IL1RAPL2: variants seen among roughly 807,000 people sequenced by gnomAD.
The protein encoded by IL1RAPL2 is interleukin 1 receptor accessory protein like 2, also known as X-linked interleukin-1 receptor accessory protein-like 2.
Under a neutral mutation model 44.1 loss-of-function variants are expected in IL1RAPL2, and 3 were observed. The observed-to-expected ratio is 0.07, with a 90% confidence interval of 0.03 to 0.18. IL1RAPL2 has a LOEUF of 0.18. IL1RAPL2 is among the 10% of genes least tolerant of loss of function. The pLI is 1.00. For synonymous variants in IL1RAPL2, 181 were observed against 178.8 expected (o/e 1.01, Z -0.10); for missense variants, 391 against 496.4 (o/e 0.79, Z 2.02).
At chrX:105,593,945 A>C (rs2037190988) in intron 6 of IL1RAPL2, among the ~76,000 whole-genome samples, 2 of 111,817 alleles carry the variant, frequency 1.8e-5, no homozygotes, top group African/African-American at 6.5e-5. Context: ...ACTAACATCT[A>C]CCTTAATTGT....
intron 6 of IL1RAPL2, among the ~76,000 whole-genome samples, chrX:105,675,592 G>C (rs1167505914): frequency 8.9e-6 from 1 of 111,825 alleles, no homozygotes; most frequent in African/African-American, 3.2e-5. Context: ...TTGCATCAAT[G>C]TTCATCAGGG....
intron 6 of IL1RAPL2, among the ~76,000 whole-genome samples, chrX:105,503,982 T>G (rs2036413814): frequency 1.1e-5 from 1 of 91,986 alleles, no homozygotes; most frequent in Non-Finnish European, 1.9e-5. Flanking sequence ...AAGGCCCTAT[T>G]TCCAAATAAA....
chrX:105,350,350 T>G (rs2035142798), intron 5 of IL1RAPL2, among the ~76,000 whole-genome samples: 1 of 112,499 alleles, frequency 8.9e-6, no homozygotes, highest in Non-Finnish European at 1.9e-5. Context: ...TTTGCACTAG[T>G]CCTCAGTGGA....
intron 2 of IL1RAPL2, among the ~76,000 whole-genome samples, chrX:104,965,529 C>G (rs1246812719): frequency 9.0e-6 from 1 of 111,263 alleles, no homozygotes; most frequent in Non-Finnish European, 1.9e-5. Flanking sequence ...TTGTAGGATT[C>G]TTAAACATAG....
chrX:104,939,945 G>A (rs930728187), intron 2 of IL1RAPL2, among the ~76,000 whole-genome samples: 1 of 111,675 alleles, frequency 9.0e-6, no homozygotes, highest in Admixed American at 9.6e-5. Context: ...GGGGAGGTGG[G>A]AGGGTAGGGC....
At chrX:105,333,785 A>G in intron 5 of IL1RAPL2, among the ~76,000 whole-genome samples, 1 of 112,344 alleles carries the variant, frequency 8.9e-6, no homozygotes, top group Non-Finnish European at 1.9e-5. Flanking sequence ...ATTGATCAAC[A>G]GAGGAATGCA....
intron 2 of IL1RAPL2, among the ~76,000 whole-genome samples, chrX:105,106,960 G>A (rs1212603785): frequency 8.9e-6 from 1 of 112,010 alleles, no homozygotes; most frequent in Non-Finnish European, 1.9e-5. Context: ...CCATCAAGGA[G>A]TATCCAATCT....
chrX:105,126,383 CCT>C lies in IL1RAPL2; in HGVS notation c.83-69085_83-69084del, dbSNP rs778907792. 1.2e-4 allele frequency among the ~76,000 whole-genome samples: 13 copies of C among 110,501 alleles called. No individual in the cohort carries two copies. In the South Asian group the frequency reaches 4.5e-3, roughly 39 times the overall value. On this transcript the variant is annotated intron_variant, in intron 2 of 10. Transcript: ENST00000372582. ...ATCCACAGCTTTCTCTCTGATCTGC[CCT>C]CTCTCTAGGAAATCACCTCCCATGA...
chrX:104,770,148 C>T (rs992106896), intron 2 of IL1RAPL2, among the ~76,000 whole-genome samples: 1 of 110,767 alleles, frequency 9.0e-6, no homozygotes, highest in Non-Finnish European at 1.9e-5. Context: ...AATTAGTGAC[C>T]TTTGAATTCA....
At chrX:105,152,371 A>C (rs1014577591) in intron 2 of IL1RAPL2, among the ~76,000 whole-genome samples, 7 of 112,012 alleles carry the variant, frequency 6.2e-5, no homozygotes, top group African/African-American at 2.3e-4. Context: ...GAAACTTCTT[A>C]TTATTTGATA....
intron 6 of IL1RAPL2, among the ~76,000 whole-genome samples, chrX:105,576,228 G>A (rs2037049744): frequency 9.0e-6 from 1 of 110,812 alleles, no homozygotes; most frequent in Non-Finnish European, 1.9e-5. Flanking sequence ...TGAAATCTTT[G>A]CTCATTCCTA....
chrX:104,909,009 A>G (rs1924134879), intron 2 of IL1RAPL2, among the ~76,000 whole-genome samples: 2 of 110,196 alleles, frequency 1.8e-5, no homozygotes, highest in East Asian at 2.9e-4. Context: ...GTCTTTTCAC[A>G]TAGTCCCATA....
chrX:105,455,793 T>C (rs2036051315), intron 5 of IL1RAPL2, among the ~76,000 whole-genome samples: 1 of 112,252 alleles, frequency 8.9e-6, no homozygotes, highest in Admixed American at 9.5e-5. Flanking sequence ...AGGATTGCCT[T>C]GACTATTCAG....
At chrX:105,084,243 C>A (rs760277193) in intron 2 of IL1RAPL2, among the ~76,000 whole-genome samples, 2 of 112,451 alleles carry the variant, frequency 1.8e-5, no homozygotes, top group East Asian at 5.6e-4. Context: ...AGAGGAGGGC[C>A]ACTGTCCTCC....
intron 2 of IL1RAPL2, among the ~76,000 whole-genome samples, chrX:104,931,949 T>TGTGA (rs1924910936): frequency 2.7e-5 from 1 of 37,335 alleles, no homozygotes; most frequent in Non-Finnish European, 7.8e-5. Flanking sequence ...AAACTATGAG[T>TGTGA]GTGTGTGTGT....
intron 2 of IL1RAPL2, among the ~76,000 whole-genome samples, chrX:105,029,212 G>A (rs755706703): frequency 9.7e-6 from 1 of 103,301 alleles, no homozygotes; most frequent in East Asian, 3.1e-4. Flanking sequence ...TTTAGTTGAG[G>A]TCTTTTTATT....
chrX:105,503,913 A>T (rs1233146888), intron 6 of IL1RAPL2, among the ~76,000 whole-genome samples: 2 of 111,313 alleles, frequency 1.8e-5, no homozygotes, highest in African/African-American at 3.3e-5. Flanking sequence ...ATGTAAGGTC[A>T]CCAATCATTG....
chrX:105,052,395 C>T (rs2031939299), intron 2 of IL1RAPL2, among the ~76,000 whole-genome samples: 1 of 111,705 alleles, frequency 9.0e-6, no homozygotes, highest in Non-Finnish European at 1.9e-5. Flanking sequence ...TGCTGGGTGA[C>T]CATGTGTTCA....
intron 2 of IL1RAPL2, among the ~76,000 whole-genome samples, chrX:104,741,572 C>T (rs1011616072): frequency 5.4e-5 from 6 of 110,651 alleles, no homozygotes; most frequent in Non-Finnish European, 1.1e-4. Context: ...CTCTAGCCTC[C>T]ACATTAATTT....
Sources: allele counts gnomAD v4.1 joint callset (sites outside exome capture counted in the v4.1 genomes callset), GRCh38; gene constraint gnomAD v4.1.1; transcripts MANE v1.5; gene names NCBI Gene and HGNC (gene_info 2026-07-23, HGNC 2026-07-21).